SORBS2: variants seen among roughly 807,000 people sequenced by gnomAD.
SORBS2 encodes sorbin and SH3 domain-containing protein 2.
Under a neutral mutation model 97.7 loss-of-function variants are expected in SORBS2, and 46 were observed. The ratio of observed to expected loss-of-function variants is 0.47; its 90% CI spans 0.37 to 0.60. The LOEUF is 0.60. Among genes scored for constraint, SORBS2 ranks in the 20% least tolerant of loss-of-function variants. SORBS2 has a pLI of 0.00. For missense variants in SORBS2, 1,316 were observed against 1,282.3 expected, an observed-to-expected ratio of 1.03 and a Z score of -0.40; for synonymous variants, 476 against 473.4, an observed-to-expected ratio of 1.01 and a Z score of -0.07.
chr4:185,648,291 G>A (rs2097250872), intron 3 of SORBS2, among the ~76,000 whole-genome samples: 2 of 152,120 alleles, frequency 1.3e-5, no homozygotes, highest in Admixed American at 1.3e-4. Flanking sequence ...GCCAAGGTGG[G>A]TGGATCACGA....
chr4:185,895,146 C>T (rs896477253), intron 1 of SORBS2, among the ~76,000 whole-genome samples: 8 of 152,312 alleles, frequency 5.3e-5, no homozygotes, highest in Admixed American at 1.3e-4. Context: ...ATAGGCCCAC[C>T]GGGGGCCAAA....
At chr4:185,653,842 G>T (rs1041785314) in intron 1 of SORBS2, among the ~76,000 whole-genome samples, 29 of 152,182 alleles carry the variant, frequency 1.9e-4, no homozygotes, top group African/African-American at 7.0e-4. Flanking sequence ...CTGGGCAACA[G>T]GCTTGATGAT....
chr4:185,715,726 G>C (rs151190292), intron 2 of SORBS2, among the ~76,000 whole-genome samples: 116 of 152,288 alleles, frequency 7.6e-4, no homozygotes, highest in African/African-American at 2.4e-3. Context: ...AAATCCTTTA[G>C]AAATATGCAG....
intron 1 of SORBS2, among the ~76,000 whole-genome samples, chr4:185,829,630 A>C (rs1477589829): frequency 6.6e-6 from 1 of 152,194 alleles, no homozygotes; most frequent in Middle Eastern, 3.2e-3. Context: ...CAGAGTGAGC[A>C]TCTCTCCAGA....
At chr4:185,836,206 G>A (rs952615980) in intron 1 of SORBS2, among the ~76,000 whole-genome samples, 10 of 152,226 alleles carry the variant, frequency 6.6e-5, no homozygotes, top group African/African-American at 1.7e-4. Flanking sequence ...ATCATGGAGC[G>A]TTTTACAGAA....
intron 1 of SORBS2, among the ~76,000 whole-genome samples, chr4:185,896,249 T>G (rs1282560296): frequency 6.6e-6 from 1 of 152,236 alleles, no homozygotes; most frequent in South Asian, 2.1e-4. Flanking sequence ...ATTTTTGGCA[T>G]TGACGGGTTC....
intron 2 of SORBS2, among the ~76,000 whole-genome samples, chr4:185,700,347 G>C (rs115352720): frequency 0.01 from 1,470 of 146,704 alleles, 18 homozygotes; most frequent in Non-Finnish European, 0.017. Context: ...GGCTTTGGAG[G>C]CTGTGCTGGG....
intron 4 of SORBS2, among the ~76,000 whole-genome samples, chr4:185,632,461 C>G (rs2096923565): frequency 6.6e-6 from 1 of 152,108 alleles, no homozygotes; most frequent in South Asian, 2.1e-4. Flanking sequence ...CTGAATCAGA[C>G]ACTGGGAAGG....
At position 185,809,072 on chromosome 4, in the gene SORBS2, T is replaced by C. The variant is rs115248920; in HGVS notation, c.-337-33706A>G. Among the ~76,000 whole-genome samples the C allele has an allele frequency of 7.6e-3, 1,155 of 152,226 alleles. 21 individuals carry two copies. The highest frequency in any genetic ancestry group is 0.026 in the African/African-American group (1,092 of 41,544). On this transcript the variant is annotated intron_variant, in intron 1 of 20. Coordinates refer to the SORBS2 transcript ENST00000284776. ...TTTTCAAATCAGAAAAATGAAAGCC[T>C]CATTGTTGTTTTTCAAATGTTTTAA... is the stretch of plus-strand genomic sequence containing the variant.
At chr4:185,904,751 G>C (rs1474287254) in intron 1 of SORBS2, among the ~76,000 whole-genome samples, 1 of 152,188 alleles carries the variant, frequency 6.6e-6, no homozygotes. Flanking sequence ...AGGGAGTTAT[G>C]GCAAAGCTCA....
At chr4:185,804,605 ATTATAC>A (rs1364066312) in intron 1 of SORBS2, among the ~76,000 whole-genome samples, 5 of 152,332 alleles carry the variant, frequency 3.3e-5, no homozygotes, top group South Asian at 4.1e-4. Flanking sequence ...AGTATTTGGT[ATTATAC>A]TTATAGATTT....
chr4:185,955,872 C>G (rs1333157360), intron 1 of SORBS2, among the ~76,000 whole-genome samples: 1 of 152,004 alleles, frequency 6.6e-6, no homozygotes, highest in Admixed American at 6.6e-5. Flanking sequence ...CAGGTCTTCC[C>G]CCAGGTCTCC....
At position 185,694,706 on chromosome 4, in the gene SORBS2, C is replaced by CTTTTTTTTTTTTTT. The variant is rs1200094039; in HGVS notation, c.-197-15885_-197-15884insAAAAAAAAAAAAAA. On this transcript the variant is annotated intron_variant, in intron 2 of 20. Transcript: ENST00000284776. Reference sequence around the variant, plus strand: ...TTTCTTTTTCTTTTTCCTTTTCTTTCTTTTCTTTTCTTTTTTTTGAGACGG... The same window carrying CTTTTTTTTTTTTTT: ...TTTCTTTTTCTTTTTCCTTTTCTTTCTTTTTTTTTTTTTTTTTTCTTTTCTTTTTTTTGAGACGG... 2.2e-3 allele frequency among the ~76,000 whole-genome samples: 275 copies of CTTTTTTTTTTTTTT among 124,150 alleles called. 30 individuals carry two copies. Among genetic ancestry groups the CTTTTTTTTTTTTTT allele is most frequent in the African/African-American group, 3.3e-3 (111 of 33,894 alleles). The allele number at this position is 124,150 out of a possible 152,430, so 81.4% of individuals were successfully genotyped here. A position where few individuals can be genotyped will look rare whatever the true frequency, so the allele number is the denominator to read the frequency against.
chr4:185,748,567 G>A (rs965137382), intron 2 of SORBS2, among the ~76,000 whole-genome samples: 5 of 152,168 alleles, frequency 3.3e-5, no homozygotes, highest in African/African-American at 1.2e-4. Flanking sequence ...GGCCTCACGA[G>A]CAATTTTAAG....
intron 2 of SORBS2, among the ~76,000 whole-genome samples, chr4:185,735,664 C>T (rs901176268): frequency 2.0e-5 from 3 of 151,946 alleles, no homozygotes; most frequent in East Asian, 1.9e-4. Flanking sequence ...CATCCCTAGA[C>T]GATATCATGA....
chr4:185,691,002 C>G (rs112477267), intron 2 of SORBS2, among the ~76,000 whole-genome samples: 1 of 151,840 alleles, frequency 6.6e-6, no homozygotes, highest in African/African-American at 2.4e-5. Context: ...TGGGTTCAAG[C>G]GATTCCCCTG....
At chr4:185,839,818 C>T (rs917249723) in intron 1 of SORBS2, among the ~76,000 whole-genome samples, 8 of 152,104 alleles carry the variant, frequency 5.3e-5, no homozygotes, top group Admixed American at 2.0e-4. Context: ...ATTGTAGCAG[C>T]GTTAGATGTT....
chr4:185,621,686 G>A (rs2096722653), intron 7 of SORBS2, among the ~76,000 whole-genome samples: 1 of 152,146 alleles, frequency 6.6e-6, no homozygotes, highest in South Asian at 2.1e-4. Flanking sequence ...AAGTAGATTT[G>A]TGCAAGTTAA....
intron 1 of SORBS2, among the ~76,000 whole-genome samples, chr4:185,795,810 T>C (rs917331660): frequency 2.6e-5 from 4 of 152,198 alleles, no homozygotes; most frequent in Non-Finnish European, 5.9e-5. Context: ...TATATCTCCA[T>C]CTCAGAAAGT....
Sources: gnomAD v4.1 joint callset for allele counts (sites outside exome capture counted in the v4.1 genomes callset) on GRCh38, gnomAD v4.1.1 for gene constraint, MANE v1.5 for transcripts, NCBI Gene and HGNC (gene_info 2026-07-23, HGNC 2026-07-21) for gene names.